CADM1: variants seen among roughly 807,000 people sequenced by gnomAD.
CADM1 encodes the protein TSLC-1.
Under a neutral mutation model 53.1 loss-of-function variants are expected in CADM1, and 15 were observed. The observed-to-expected ratio is 0.28, with a 90% CI of 0.19 to 0.44. CADM1 has a LOEUF of 0.44. Ranked by LOEUF, CADM1 falls within the 20% of genes least tolerant of loss-of-function variation. The pLI, the probability that CADM1 is intolerant of heterozygous loss-of-function variation, is 1.00. For missense variants in CADM1, 434 were observed against 611.3 expected, an observed-to-expected ratio of 0.71 and a Z score of 3.06; for synonymous variants, 281 against 243.0, an observed-to-expected ratio of 1.16 and a Z score of -1.45.
intron 1 of CADM1, among the ~76,000 whole-genome samples, chr11:115,285,964 C>T (rs1943718332): frequency 6.6e-6 from 1 of 152,056 alleles, no homozygotes; most frequent in South Asian, 2.1e-4. Flanking sequence ...TTATCATAGA[C>T]ATGGTTGTTT....
chr11:115,190,822 T>A, intron 10 of CADM1, 66 bp downstream of exon 10: 1 of 1,373,182 alleles, frequency 7.3e-7, no homozygotes, highest in Non-Finnish European at 1.0e-6. Flanking sequence ...ATGGCCATTT[T>A]GTAGAAGTGG....
intron 1 of CADM1, among the ~76,000 whole-genome samples, chr11:115,308,626 G>C (rs890762987): frequency 2.0e-5 from 3 of 151,956 alleles, no homozygotes; most frequent in Non-Finnish European, 2.9e-5. Flanking sequence ...GAAAGGTATA[G>C]ATATCTATGG....
chr11:115,312,766 T>C lies in CADM1; in HGVS notation c.125-72346A>G, dbSNP rs1440074732. 2.6e-5 allele frequency among the ~76,000 whole-genome samples: 4 copies of C among 152,082 alleles called. No individual in the cohort carries two copies. The East Asian group carries it at 5.8e-4, about 22-fold the overall frequency. ...AATAATCTAAATCCTACCTTAAAAA[T>C]AGAATATATTGCATAGCAAGAACTC... On this transcript the variant is annotated intron_variant, in intron 1 of 11. Transcript: ENST00000331581.
intron 1 of CADM1, among the ~76,000 whole-genome samples, chr11:115,289,827 C>A (rs1943839321): frequency 6.6e-6 from 1 of 151,934 alleles, no homozygotes; most frequent in South Asian, 2.1e-4. Context: ...GATCTCCTGA[C>A]CTCGTGATCC....
intron 1 of CADM1, among the ~76,000 whole-genome samples, chr11:115,303,730 A>T (rs1944293964): frequency 6.6e-6 from 1 of 151,938 alleles, no homozygotes; most frequent in Non-Finnish European, 1.5e-5. Context: ...CCCCCTCCCC[A>T]CAACCCTGTG....
At chr11:115,417,358 A>C (rs187466606) in intron 1 of CADM1, among the ~76,000 whole-genome samples, 1 of 152,338 alleles carries the variant, frequency 6.6e-6, no homozygotes, top group East Asian at 1.9e-4. Flanking sequence ...TACCTAACTA[A>C]GTAGTCCTCC....
intron 1 of CADM1, among the ~76,000 whole-genome samples, chr11:115,413,518 A>C (rs1227954178): frequency 2.6e-5 from 4 of 152,214 alleles, no homozygotes; most frequent in Non-Finnish European, 5.9e-5. Context: ...AGATATGATA[A>C]CTGTCTCCAT....
chr11:115,274,182 A>C (rs1943381136), intron 1 of CADM1, among the ~76,000 whole-genome samples: 1 of 152,202 alleles, frequency 6.6e-6, no homozygotes, highest in Non-Finnish European at 1.5e-5. Flanking sequence ...AGTGCTTCTT[A>C]GTTAGTAATC....
At chr11:115,331,148 G>C (rs1945118877) in intron 1 of CADM1, among the ~76,000 whole-genome samples, 1 of 152,108 alleles carries the variant, frequency 6.6e-6, no homozygotes, top group African/African-American at 2.4e-5. Context: ...GTTACTTCTG[G>C]GGATTTGGTT....
Position 115,418,235 on chromosome 11 carries a change from GA to G in CADM1, c.124+86035del, listed in dbSNP as rs142557796. ...CTATATATTTTGATAATCCGAAAAA[GA>G]AAATGAAACTTCTTTAATAGTATAG... is the stretch of plus-strand genomic sequence containing the variant. On this transcript the variant is annotated intron_variant, in intron 1 of 11. Transcript: ENST00000331581. Among the ~76,000 whole-genome samples, 839 of 152,208 alleles carry G rather than the reference GA, an allele frequency of 5.5e-3. 5 individuals carry two copies. Among genetic ancestry groups the G allele is most frequent in the African/African-American group, 0.019 (794 of 41,536 alleles).
chr11:115,178,220 G>A (rs1304553523), intron 11 of CADM1, among the ~76,000 whole-genome samples: 2 of 152,198 alleles, frequency 1.3e-5, no homozygotes, highest in Non-Finnish European at 2.9e-5. Context: ...CTTACACAGA[G>A]TCTGGGGACA....
Position 115,298,556 on chromosome 11 carries a change from C to T in CADM1, c.125-58136G>A, listed in dbSNP as rs544961066. On this transcript the variant is annotated intron_variant, in intron 1 of 11. Transcript: ENST00000331581. The stretch of plus-strand genomic sequence containing the variant: ...TTCATCTTGTAAGAGACTTTAGCTC[C>T]GTATGTTCATGAATCATTGATCCTG... Among the ~76,000 whole-genome samples the T allele has an allele frequency of 2.3e-4, 35 of 152,274 alleles. No homozygotes were observed. In the South Asian group the frequency reaches 6.2e-3, roughly 27 times the overall value.
At chr11:115,445,137 AC>A (rs1352373530) in intron 1 of CADM1, among the ~76,000 whole-genome samples, 4 of 152,208 alleles carry the variant, frequency 2.6e-5, no homozygotes, top group African/African-American at 9.7e-5. Flanking sequence ...ATTTATGTCA[AC>A]CTGTCCTGAA....
intron 1 of CADM1, among the ~76,000 whole-genome samples, chr11:115,374,809 C>A (rs960279452): frequency 1.3e-5 from 2 of 152,062 alleles, no homozygotes; most frequent in Non-Finnish European, 2.9e-5. Context: ...GTTTCTTAAA[C>A]TTCGAGGGAG....
chr11:115,417,445 C>T (rs1380063982), intron 1 of CADM1, among the ~76,000 whole-genome samples: 4 of 152,202 alleles, frequency 2.6e-5, no homozygotes, highest in African/African-American at 9.6e-5. Context: ...ATATATCCTA[C>T]GTCTTTTCCT....
intron 1 of CADM1, among the ~76,000 whole-genome samples, chr11:115,492,693 A>G (rs1048386641): frequency 4.6e-5 from 7 of 152,182 alleles, no homozygotes; most frequent in African/African-American, 1.7e-4. Context: ...AGACGTTGCT[A>G]TCACTGGGAA....
chr11:115,173,913 G>A lies in CADM1; in HGVS notation c.*2561C>T. The A allele has an allele frequency of 1.0e-6, 1 of 967,878 alleles. No homozygotes were observed. Among genetic ancestry groups the A allele is most frequent in the South Asian group, 4.8e-5 (1 of 20,904 alleles). 60.0% of individuals were successfully genotyped at this position (967,878 alleles called of 1,614,324 possible). On this transcript the variant is annotated 3_prime_UTR_variant, in exon 12 of 12. Coordinates refer to ENST00000331581, the MANE Select transcript of CADM1 (RefSeq NM_001301043.2). Reference sequence around the variant, plus strand: ...TTCCTTTAAAAAACACAAAAAACAAGTTTGTTCTTTCTTCACTCTAAAAAA... The same window carrying A: ...TTCCTTTAAAAAACACAAAAAACAAATTTGTTCTTTCTTCACTCTAAAAAA...
intron 1 of CADM1, among the ~76,000 whole-genome samples, chr11:115,499,129 T>G (rs1177045977): frequency 2.0e-5 from 3 of 152,144 alleles, no homozygotes; most frequent in Non-Finnish European, 4.4e-5. Context: ...AATTCTCAGC[T>G]TTTTCTTGGT....
At chr11:115,478,112 C>A (rs986506949) in intron 1 of CADM1, among the ~76,000 whole-genome samples, 2 of 152,020 alleles carry the variant, frequency 1.3e-5, no homozygotes, top group Non-Finnish European at 2.9e-5. Context: ...TTCACGTATC[C>A]CAATAATCAT....
Sources: gnomAD v4.1 joint callset for allele counts (sites outside exome capture counted in the v4.1 genomes callset) on GRCh38, gnomAD v4.1.1 for gene constraint, MANE v1.5 for transcripts, NCBI Gene and HGNC (gene_info 2026-07-23, HGNC 2026-07-21) for gene names.